Variants in TEX2 observed in about 807,000 individuals in gnomAD.
TEX2 encodes the protein testis-expressed protein 2.
In TEX2, 53 loss-of-function variants were observed where a neutral mutation model predicts 106.9. The observed-to-expected ratio is 0.50, with a 90% CI of 0.40 to 0.62. The LOEUF is 0.62. TEX2 is among the 20% of genes least tolerant of loss of function. The pLI is 0.00. For missense variants in TEX2, 1,207 were observed against 1,379.0 expected (o/e 0.88, Z 1.98); for synonymous variants, 523 against 534.8 (o/e 0.98, Z 0.30).
chr17:64,243,083 C>T (rs1051945790), intron 1 of TEX2, among the ~76,000 whole-genome samples: 1 of 152,114 alleles, frequency 6.6e-6, no homozygotes, highest in Non-Finnish European at 1.5e-5. Flanking sequence ...CGCACACCAC[C>T]ACACCCGGCT....
chr17:64,173,582 G>A (rs2031500312), intron 6 of TEX2, among the ~76,000 whole-genome samples: 1 of 152,184 alleles, frequency 6.6e-6, no homozygotes, highest in African/African-American at 2.4e-5. Context: ...CAAAACGTGA[G>A]TAGACAGTGT....
At chr17:64,190,109 C>G (rs2032239573) in intron 4 of TEX2, among the ~76,000 whole-genome samples, 1 of 152,190 alleles carries the variant, frequency 6.6e-6, no homozygotes, top group South Asian at 2.1e-4. Context: ...TCACGCAAGC[C>G]ATTTCTTAAT....
In TEX2 at chr17:64,195,633, G is replaced by A. The variant is rs1386508875; in HGVS notation, c.1645-538C>T. Among the ~76,000 whole-genome samples, 1 of 152,130 alleles carries A rather than the reference G, an allele frequency of 6.6e-6. No homozygotes were observed. The highest frequency in any genetic ancestry group is 1.9e-4 in the East Asian group (1 of 5,190). On this transcript the variant is annotated intron_variant, in intron 2 of 11. Coordinates refer to ENST00000584379, the MANE Select transcript of TEX2 (RefSeq NM_001288732.2). This position sits in a 1 kb window ranked among gnomAD's most constrained non-coding sequence, Gnocchi z 4.1. ...AGTAAAGCAGATGATTGAGAATTAG[G>A]CATTAAATACATCGTAAATATAATC...
intron 1 of TEX2, among the ~76,000 whole-genome samples, chr17:64,252,145 T>C (rs782641019): frequency 6.6e-6 from 1 of 152,212 alleles, no homozygotes; most frequent in African/African-American, 2.4e-5. Context: ...TCCAACATGA[T>C]GGGCAAATGC....
In TEX2 at chr17:64,193,556, T is replaced by C. The variant is rs1598163504; in HGVS notation, c.2176+3A>G. On this transcript the variant is annotated splice_donor_region_variant and intron_variant, in intron 4 of 11. Coordinates refer to ENST00000584379, the MANE Select transcript of TEX2 (RefSeq NM_001288732.2). ...CATAAGCATTTAGCACAAACATCAT[T>C]ACCTGGTTTACCTCCAGAGACACCC... The C allele has an allele frequency of 7.1e-7, 1 of 1,413,732 alleles. No homozygotes were observed. Among genetic ancestry groups the C allele is most frequent in the South Asian group, 1.8e-5 (1 of 55,272 alleles). The allele number at this position is 1,413,732 out of a possible 1,614,324, so 87.6% of individuals were successfully genotyped here. A position where few individuals can be genotyped will look rare whatever the true frequency, so the allele number is the denominator to read the frequency against.
At chr17:64,212,546 A>G (rs781810633) in intron 2 of TEX2, 28 bp downstream of exon 2, 65 of 1,579,342 alleles carry the variant, frequency 4.1e-5, no homozygotes, top group Non-Finnish European at 5.4e-5. Flanking sequence ...AAGTGTGTGT[A>G]CTAGCCAGCT....
Position 64,217,475 on chromosome 17 carries a change from G to A in TEX2, c.-25-3233C>T, listed in dbSNP as rs1360024100. 6.6e-6 allele frequency among the ~76,000 whole-genome samples: 1 copy of A among 152,182 alleles called. No homozygotes were observed. Among genetic ancestry groups the A allele is most frequent in the Non-Finnish European group, 1.5e-5 (1 of 68,034 alleles). ...GTGCCTTTTCAAACATGCCACACAC[G>A]CTCTTTATTCCTGCTTTGTCCCAGC... On this transcript the variant is annotated intron_variant, in intron 1 of 11. Coordinates refer to ENST00000584379, the MANE Select transcript of TEX2 (RefSeq NM_001288732.2). The surrounding 1 kb of genome is among the most constrained non-coding windows in gnomAD (Gnocchi z 4.3).
chr17:64,255,780 C>T (rs1555637618), intron 1 of TEX2: 1 of 152,216 alleles, frequency 6.6e-6, no homozygotes, highest in African/African-American at 2.4e-5. Flanking sequence ...GAAACATCAT[C>T]AAATCTCGCT....
At chr17:64,215,972 A>G (rs782154133) in intron 1 of TEX2, among the ~76,000 whole-genome samples, 18 of 152,250 alleles carry the variant, frequency 1.2e-4, no homozygotes, top group East Asian at 1.9e-4. Flanking sequence ...AATTACATTC[A>G]AGGGCCCAGC....
chr17:64,175,529 T>C (rs1295143511), intron 6 of TEX2, among the ~76,000 whole-genome samples: 1 of 152,238 alleles, frequency 6.6e-6, no homozygotes, highest in Non-Finnish European at 1.5e-5. Flanking sequence ...AGAGGCTCTG[T>C]GGACTTCCAG....
At chr17:64,189,709 C>G (rs777174626) in intron 4 of TEX2, among the ~76,000 whole-genome samples, 3 of 152,086 alleles carry the variant, frequency 2.0e-5, no homozygotes, top group Admixed American at 6.6e-5. Context: ...AGGCTGGGCG[C>G]GGTGGCTCAC....
At chr17:64,228,907 C>A (rs1305830452) in intron 1 of TEX2, among the ~76,000 whole-genome samples, 2 of 148,404 alleles carry the variant, frequency 1.3e-5, no homozygotes, top group Non-Finnish European at 3.0e-5. Context: ...CCTCCTATGG[C>A]CTATACCTAT....
intron 8 of TEX2, among the ~76,000 whole-genome samples, chr17:64,156,773 C>G (rs1244022396): frequency 1.3e-5 from 2 of 152,202 alleles, no homozygotes; most frequent in Non-Finnish European, 2.9e-5. Context: ...GGAGCCTGCT[C>G]CTCACCCACA....
chr17:64,172,567 T>TC (rs1027761576), intron 6 of TEX2, among the ~76,000 whole-genome samples: 7 of 151,712 alleles, frequency 4.6e-5, no homozygotes, highest in African/African-American at 1.7e-4. Context: ...TGGGCATTTG[T>TC]CCCCCCCATC....
intron 1 of TEX2, among the ~76,000 whole-genome samples, chr17:64,241,771 T>C (rs1567965081): frequency 6.6e-6 from 1 of 152,176 alleles, no homozygotes; most frequent in African/African-American, 2.4e-5. Context: ...TAGCTAGGAC[T>C]ACAGGCACAT....
chr17:64,206,373 A>C (rs2032829599), intron 2 of TEX2, among the ~76,000 whole-genome samples: 1 of 152,118 alleles, frequency 6.6e-6, no homozygotes, highest in South Asian at 2.1e-4. Context: ...CCTTTGTGCC[A>C]ATACCATGTG....
chr17:64,237,229 G>A (rs377582422), intron 1 of TEX2, among the ~76,000 whole-genome samples: 10 of 152,116 alleles, frequency 6.6e-5, no homozygotes, highest in African/African-American at 2.4e-4. Context: ...GTAAGAGTAA[G>A]GGCCTGAGGC....
At chr17:64,245,855 C>T (rs1232214987) in intron 1 of TEX2, among the ~76,000 whole-genome samples, 1 of 152,148 alleles carries the variant, frequency 6.6e-6, no homozygotes, top group Non-Finnish European at 1.5e-5. Flanking sequence ...CCATTACTGC[C>T]TCTGTATTTA....
intron 1 of TEX2, among the ~76,000 whole-genome samples, chr17:64,259,404 T>G (rs1267842136): frequency 6.6e-6 from 1 of 152,250 alleles, no homozygotes; most frequent in East Asian, 1.9e-4. Flanking sequence ...AAAACTCACA[T>G]GTAAGAATAT....
Sources: gnomAD v4.1 joint callset for allele counts (sites outside exome capture counted in the v4.1 genomes callset) on GRCh38, gnomAD v4.1.1 for gene constraint, Gnocchi (gnomAD v3.1) non-coding constraint, MANE v1.5 for transcripts, NCBI Gene and HGNC (gene_info 2026-07-23, HGNC 2026-07-21) for gene names.